Variants in EEA1 observed in about 807,000 individuals in gnomAD.
EEA1 encodes the protein early endosome antigen 1, 162kD.
EEA1 carries 111 observed loss-of-function variants against 209.2 expected under a neutral mutation model. The observed-to-expected ratio is 0.53, with a 90% confidence interval of 0.45 to 0.62. The LOEUF (loss-of-function observed/expected upper bound fraction) is 0.62, where lower values mean the gene tolerates loss of function less well. Ranked by LOEUF, EEA1 falls within the 20% of genes least tolerant of loss-of-function variation. The pLI is 0.00. For synonymous variants in EEA1, 536 were observed against 540.6 expected, an observed-to-expected ratio of 0.99 and a Z score of 0.12; for missense variants, 1,343 against 1,530.8, an observed-to-expected ratio of 0.88 and a Z score of 2.05.
chr12:92,828,178 T>C, intron 11 of EEA1, 117 bp from the exon 12 acceptor site: 1 of 814,320 alleles, frequency 1.2e-6, no homozygotes, highest in African/African-American at 1.8e-5. Context: ...TTAATTTTCG[T>C]GATACTTTGG....
intron 5 of EEA1, 27 bp downstream of exon 5, chr12:92,857,248 A>T: frequency 6.6e-7 from 1 of 1,520,718 alleles, no homozygotes; most frequent in Non-Finnish European, 8.9e-7. Flanking sequence ...ACTAATAAAC[A>T]TGCTTTAAGT....
chr12:92,884,630 G>A, intron 2 of EEA1: 2 of 1,365,772 alleles, frequency 1.5e-6, no homozygotes, highest in South Asian at 1.2e-5. Flanking sequence ...CCAATACTTT[G>A]CCAAACCATG....
At chr12:92,814,106 T>C (rs1388514289) in intron 15 of EEA1, among the ~76,000 whole-genome samples, 1 of 151,976 alleles carries the variant, frequency 6.6e-6, no homozygotes, top group Middle Eastern at 3.2e-3. Context: ...ACAGTAAAAA[T>C]GGGGGGTGCA....
chr12:92,889,224 G>C (rs1321708558), intron 2 of EEA1, among the ~76,000 whole-genome samples: 2 of 149,314 alleles, frequency 1.3e-5, no homozygotes, highest in Non-Finnish European at 3.0e-5. Flanking sequence ...CAGTACCCAG[G>C]ACTAAACCCA....
intron 3 of EEA1, among the ~76,000 whole-genome samples, chr12:92,860,768 C>G (rs1282600298): frequency 2.0e-5 from 3 of 151,968 alleles, no homozygotes; most frequent in African/African-American, 4.8e-5. Flanking sequence ...TCCATGACTG[C>G]TTGCCCTAAG....
At chr12:92,883,703 T>C in intron 2 of EEA1, 2 of 813,264 alleles carry the variant, frequency 2.5e-6, no homozygotes, top group East Asian at 4.8e-5. Context: ...GACACGTTCA[T>C]CAGCTTGTTC....
rs375563302 is a variant in EEA1, at chr12:92,819,479, G to A, written c.1557C>T (p.Gly519=). 2.3e-5 allele frequency: 37 copies of A among 1,605,622 alleles called. No homozygotes were observed. In the East Asian group the frequency reaches 2.9e-4, roughly 13 times the overall value. ...GGTTCTGGATCTTTTGGTCCTTATC[G>A]CCAATTTGACGTAGAACTTGTTCCA... ...NDLEQVLRQI[G]DKDQKIQNLE... is the part of the protein sequence containing the mutation. The change falls in exon 14 of 29, where the codon GGC becomes GGT. Residue 519 remains glycine, a synonymous_variant. Transcript: ENST00000322349.
chr12:92,880,658 G>A (rs528570504), intron 2 of EEA1, among the ~76,000 whole-genome samples: 106 of 152,216 alleles, frequency 7.0e-4, no homozygotes, highest in African/African-American at 2.5e-3. Flanking sequence ...TGTATTTTTA[G>A]TAGAGACGGG....
At position 92,804,315 on chromosome 12, in the gene EEA1, G is replaced by A. The variant is rs577316861; in HGVS notation, c.2340-1581C>T. ...GGGCCAGGCACGGTGGCTCACGCCT[G>A]TAATCCCAGCACTGTGGGAGGCCAA... On this transcript the variant is annotated intron_variant, in intron 18 of 28. Coordinates refer to ENST00000322349, the MANE Select transcript of EEA1 (RefSeq NM_003566.4). 1.1e-3 allele frequency among the ~76,000 whole-genome samples: 161 copies of A among 152,242 alleles called. 1 individual carries two copies. The highest frequency in any genetic ancestry group is 3.3e-3 in the African/African-American group (138 of 41,528).
intron 1 of EEA1, among the ~76,000 whole-genome samples, chr12:92,892,742 T>G (rs79077400): frequency 6.6e-6 from 1 of 151,154 alleles, no homozygotes; most frequent in East Asian, 1.9e-4. Flanking sequence ...GTCCAGCTAA[T>G]TTTTTTTTGA....
In EEA1 at chr12:92,910,621, G is replaced by T. The variant is rs114326533; in HGVS notation, c.24+18422C>A. On this transcript the variant is annotated intron_variant, in intron 1 of 28. Transcript: ENST00000322349. ...CCAAAGGCGCAATCCATGAAAGAAA[G>T]AATTAATAAGCTGGACTTCATTAAA... is the stretch of plus-strand genomic sequence containing the variant. Among the ~76,000 whole-genome samples, 391 of 152,112 alleles carry T rather than the reference G, an allele frequency of 2.6e-3. 3 individuals are homozygous for T. The highest frequency in any genetic ancestry group is 8.7e-3 in the African/African-American group (362 of 41,514).
chr12:92,899,129 CAAAAAA>C (rs138666239), intron 1 of EEA1, among the ~76,000 whole-genome samples: 1 of 137,558 alleles, frequency 7.3e-6, no homozygotes. Flanking sequence ...TGGCCAAAGG[CAAAAAA>C]AAAAAAAAAA....
At chr12:92,839,557 T>G (rs780458535) in intron 10 of EEA1, among the ~76,000 whole-genome samples, 8 of 152,234 alleles carry the variant, frequency 5.3e-5, no homozygotes, top group Non-Finnish European at 1.2e-4. Flanking sequence ...TGTCCTATAT[T>G]AAGCTAGACA....
At position 92,860,541 on chromosome 12, in the gene EEA1, A is replaced by T. The variant is rs186622026; in HGVS notation, c.246-3056T>A. ...CACCTCAAATGGCAGCTTTAAAAAA[A>T]TTTTTTTTCTCTCAATACCATGATT... On this transcript the variant is annotated intron_variant, in intron 3 of 28. Transcript: ENST00000322349. Among the ~76,000 whole-genome samples the T allele has an allele frequency of 1.0e-2, 1,520 of 152,004 alleles. 11 individuals carry two copies. Among genetic ancestry groups the T allele is most frequent in the South Asian group, 0.037 (176 of 4,810 alleles).
intron 2 of EEA1, among the ~76,000 whole-genome samples, chr12:92,869,013 A>AT (rs1878516106): frequency 6.6e-6 from 1 of 151,898 alleles, no homozygotes; most frequent in African/African-American, 2.4e-5. Flanking sequence ...ATTAAAAAAA[A>AT]AAGTTTATTA....
At chr12:92,800,683 A>G (rs75150959) in intron 20 of EEA1, among the ~76,000 whole-genome samples, 1 of 152,202 alleles carries the variant, frequency 6.6e-6, no homozygotes, top group Non-Finnish European at 1.5e-5. Flanking sequence ...AAAGATATTA[A>G]CCCATTTATT....
Position 92,828,053 on chromosome 12 carries a change from G to C in EEA1, c.1263C>G (p.Ser421Arg), listed in dbSNP as rs777857314. 1.3e-6 allele frequency: 2 copies of C among 1,550,754 alleles called. No individual in the cohort carries two copies. The highest frequency in any genetic ancestry group is 1.7e-6 in the Non-Finnish European group (2 of 1,155,452). The change falls in exon 12 of 29, where the codon AGC (serine) becomes AGG (arginine). Residue 421 changes from serine to arginine, a missense_variant. Physicochemically the swap from Ser to Arg is moderately radical, Grantham distance 110. Transcript: ENST00000322349. The part of the protein sequence containing the change: ...QLQSEINQLH[S>R]KLLETERQLG... ...GTTGGCGCTCTGTCTCCAGAAGTTTGCTATGTAACTTTAAAAAAAGAAAAA... is the reference window on the plus strand; with the variant it reads ...GTTGGCGCTCTGTCTCCAGAAGTTTCCTATGTAACTTTAAAAAAAGAAAAA...
At chr12:92,915,470 A>AAAAAC (rs937587570) in intron 1 of EEA1, among the ~76,000 whole-genome samples, 6 of 151,528 alleles carry the variant, frequency 4.0e-5, no homozygotes, top group South Asian at 4.2e-4. Flanking sequence ...AACCTGTCTT[A>AAAAAC]AAAACAAAAC....
At position 92,813,102 on chromosome 12, in the gene EEA1, G is replaced by A. The variant is rs3925797; in HGVS notation, c.1930-9C>T. 0.94 allele frequency: 1,429,505 copies of A among 1,527,856 alleles called. 669,418 individuals are homozygous for A. The highest frequency in any genetic ancestry group is 0.96 in the East Asian group (41,892 of 43,542). The allele number at this position is 1,527,856 out of a possible 1,614,324, so 94.6% of individuals were successfully genotyped here. A position where few individuals can be genotyped will look rare whatever the true frequency, so the allele number is the denominator to read the frequency against. On this transcript the variant is annotated splice_polypyrimidine_tract_variant and intron_variant, in intron 15 of 28. Transcript: ENST00000322349. ...TCGGTTTTGGCTTTAATCTGTAACA[G>A]CATTTACAAATTATTTAATTTATAT...
Sources: allele counts gnomAD v4.1 joint callset (sites outside exome capture counted in the v4.1 genomes callset), GRCh38; gene constraint gnomAD v4.1.1; transcripts MANE v1.5; gene names NCBI Gene and HGNC (gene_info 2026-07-23, HGNC 2026-07-21).